CNTNAP5: variants seen among roughly 807,000 people sequenced by gnomAD.
CNTNAP5 encodes the protein contactin associated protein family member 5, also known as contactin-associated protein-like 5.
Under a neutral mutation model 150.2 loss-of-function variants are expected in CNTNAP5, and 72 were observed. The observed-to-expected ratio is 0.48, with a 90% CI of 0.40 to 0.58. The LOEUF is 0.58. Among genes scored for constraint, CNTNAP5 ranks in the 20% least tolerant of loss-of-function variants. The pLI is 0.00. For synonymous variants in CNTNAP5, 672 were observed against 619.8 expected (o/e 1.08, Z -1.25); for missense variants, 1,636 against 1,626.2 (o/e 1.01, Z -0.10).
intron 3 of CNTNAP5, among the ~76,000 whole-genome samples, chr2:124,360,943 C>T (rs1048007871): frequency 2.1e-5 from 3 of 145,316 alleles, no homozygotes; most frequent in Admixed American, 6.9e-5. Flanking sequence ...CTTTCAGGTA[C>T]ACCAATCAGA....
At chr2:124,723,391 A>G (rs1431280754) in intron 13 of CNTNAP5, among the ~76,000 whole-genome samples, 1 of 152,184 alleles carries the variant, frequency 6.6e-6, no homozygotes, top group Non-Finnish European at 1.5e-5. Context: ...AATCGCATTT[A>G]ACATTCATTG....
At chr2:124,462,895 CA>C (rs1457450119) in intron 6 of CNTNAP5, among the ~76,000 whole-genome samples, 2 of 152,358 alleles carry the variant, frequency 1.3e-5, no homozygotes, top group African/African-American at 4.8e-5. Context: ...ACACTGCAAA[CA>C]GCTGCCTGTT....
At position 124,474,843 on chromosome 2, in the gene CNTNAP5, T is replaced by G; in HGVS notation, c.1023T>G (p.Ile341Met). ...TTTACTACAATGGAGTAAACATAAT[T>G]GACCTGGCTAAGAGACGAAAGCATC... Reference protein sequence around the residue: ...ENLYYNGVNIIDLAKRRKHQI... With the variant: ...ENLYYNGVNIMDLAKRRKHQI... Residue 341 changes from isoleucine (I) to methionine (M), a missense_variant, in exon 7 of 24, where the codon ATT becomes ATG. Transcript: ENST00000682447. 1 of 1,607,076 alleles carries G rather than the reference T, an allele frequency of 6.2e-7. No individual in the cohort carries two copies. The highest frequency in any genetic ancestry group is 8.5e-7 in the Non-Finnish European group (1 of 1,177,770).
chr2:124,590,521 G>A (rs1696655594), intron 11 of CNTNAP5, among the ~76,000 whole-genome samples: 1 of 152,226 alleles, frequency 6.6e-6, no homozygotes, highest in East Asian at 1.9e-4. Flanking sequence ...TAAGGCCAAG[G>A]CAAAGTCCCT....
chr2:124,838,256 C>A (rs185135328), intron 19 of CNTNAP5, among the ~76,000 whole-genome samples: 315 of 152,250 alleles, frequency 2.1e-3, no homozygotes, highest in African/African-American at 7.3e-3. Context: ...TGATTATATA[C>A]ATTTTGCACA....
intron 6 of CNTNAP5, among the ~76,000 whole-genome samples, chr2:124,452,323 T>C (rs765317164): frequency 6.6e-6 from 1 of 152,020 alleles, no homozygotes; most frequent in Non-Finnish European, 1.5e-5. Flanking sequence ...CCCATAATCC[T>C]TCTAGGAACA....
intron 19 of CNTNAP5, among the ~76,000 whole-genome samples, chr2:124,806,487 G>C (rs971294168): frequency 1.2e-4 from 19 of 152,156 alleles, no homozygotes; most frequent in African/African-American, 4.3e-4. Context: ...CTTGGGGAGT[G>C]GGTCTCTGTA....
In CNTNAP5 at chr2:124,837,444, C is replaced by T. The variant is rs141047548; in HGVS notation, c.3218-27862C>T. ...TTTGAAGCACCTTAGTGAGTAAATTCCAACATTGGCGAAAATAATTCATTT... is the reference window on the plus strand; with the variant it reads ...TTTGAAGCACCTTAGTGAGTAAATTTCAACATTGGCGAAAATAATTCATTT... On this transcript the variant is annotated intron_variant, in intron 19 of 23. Transcript: ENST00000682447. Among the ~76,000 whole-genome samples, 5 of 152,174 alleles carry T rather than the reference C, an allele frequency of 3.3e-5. No homozygotes were observed. The East Asian group carries it at 9.7e-4, about 29-fold the overall frequency.
intron 1 of CNTNAP5, among the ~76,000 whole-genome samples, chr2:124,139,331 T>A (rs1684050418): frequency 6.6e-6 from 1 of 152,064 alleles, no homozygotes; most frequent in South Asian, 2.1e-4. Flanking sequence ...CTCAAGATGT[T>A]ATCTGATCAC....
chr2:124,073,720 C>T (rs148342256), intron 1 of CNTNAP5, among the ~76,000 whole-genome samples: 5 of 152,096 alleles, frequency 3.3e-5, no homozygotes, highest in African/African-American at 7.2e-5. Context: ...GAAAAGGGAA[C>T]GCTTATATAC....
At chr2:124,346,916 C>CAA (rs35078281) in intron 3 of CNTNAP5, among the ~76,000 whole-genome samples, 33,717 of 108,834 alleles carry the variant, frequency 0.31, 5,691 homozygotes, top group African/African-American at 0.38. Context: ...ATTAAAAATA[C>CAA]AAAAAAAAAA....
rs529050756 is a variant in CNTNAP5, at chr2:124,241,306, C to T, written c.188-894C>T. Among the ~76,000 whole-genome samples, 3 of 152,050 alleles carry T rather than the reference C, an allele frequency of 2.0e-5. No homozygotes were observed. The South Asian group carries it at 6.2e-4, about 32-fold the overall frequency. The stretch of plus-strand genomic sequence containing the variant: ...AGTTTTTGTATGTGTGTCAGAATGC[C>T]CCTACATGTCAGGTATACTGAATCA... On this transcript the variant is annotated intron_variant, in intron 2 of 23. Coordinates refer to ENST00000682447, the MANE Select transcript of CNTNAP5 (RefSeq NM_001367498.1).
At chr2:124,482,470 TA>T (rs922097373) in intron 7 of CNTNAP5, among the ~76,000 whole-genome samples, 7 of 152,318 alleles carry the variant, frequency 4.6e-5, no homozygotes, top group East Asian at 1.9e-4. Flanking sequence ...ATTAGGCATT[TA>T]TTTTTTTTAG....
In CNTNAP5 at chr2:124,576,689, C is replaced by G. The variant is rs188852417; in HGVS notation, c.1756+13366C>G. 2.0e-5 allele frequency among the ~76,000 whole-genome samples: 3 copies of G among 152,252 alleles called. No homozygotes were observed. The East Asian group carries it at 5.8e-4, about 29-fold the overall frequency. On this transcript the variant is annotated intron_variant, in intron 11 of 23. Transcript: ENST00000682447. ...AGATTAGGCTGCCCTGGGTTAAATT[C>G]CAGGCTCTAACAATTACTAATTGAG...
chr2:124,781,980 A>G (rs1360616369), intron 17 of CNTNAP5, among the ~76,000 whole-genome samples: 1 of 152,168 alleles, frequency 6.6e-6, no homozygotes, highest in Non-Finnish European at 1.5e-5. Context: ...TGCCCAGAGG[A>G]GTGTGCTCCA....
chr2:124,540,488 AT>A (rs2104905360), intron 10 of CNTNAP5, among the ~76,000 whole-genome samples: 1 of 152,296 alleles, frequency 6.6e-6, no homozygotes, highest in East Asian at 1.9e-4. Flanking sequence ...CTCTGCTAAT[AT>A]TCCTCTGTGA....
intron 3 of CNTNAP5, among the ~76,000 whole-genome samples, chr2:124,244,468 G>T (rs1686968710): frequency 6.6e-6 from 1 of 152,096 alleles, no homozygotes; most frequent in African/African-American, 2.4e-5. Flanking sequence ...GGTAGGGCAG[G>T]TAGAAGTTGC....
intron 6 of CNTNAP5, among the ~76,000 whole-genome samples, chr2:124,456,954 C>T (rs2420859): frequency 0.98 from 148,760 of 152,358 alleles, 72,733 homozygotes; most frequent in East Asian, 1. Flanking sequence ...CCTGAAACTA[C>T]GAAAGTTCTA....
intron 1 of CNTNAP5, among the ~76,000 whole-genome samples, chr2:124,193,159 T>C (rs1395156702): frequency 2.0e-5 from 3 of 152,228 alleles, no homozygotes; most frequent in Non-Finnish European, 4.4e-5. Context: ...CCAGTCATAC[T>C]GGATAAAGGC....
Sources: gnomAD v4.1 joint callset for allele counts (sites outside exome capture counted in the v4.1 genomes callset) on GRCh38, gnomAD v4.1.1 for gene constraint, MANE v1.5 for transcripts, NCBI Gene and HGNC (gene_info 2026-07-23, HGNC 2026-07-21) for gene names.